PRICKLE2: variants seen among roughly 807,000 people sequenced by gnomAD.
PRICKLE2 encodes prickle-like protein 2.
Under a neutral mutation model 81.4 loss-of-function variants are expected in PRICKLE2, and 21 were observed. The ratio of observed to expected loss-of-function variants is 0.26; its 90% CI spans 0.18 to 0.37. The LOEUF is 0.37. Ranked by LOEUF, PRICKLE2 falls within the 10% of genes least tolerant of loss-of-function variation. The pLI is 1.00. For synonymous variants in PRICKLE2, 456 were observed against 421.5 expected (o/e 1.08, Z -1.00); for missense variants, 940 against 1,109.0 (o/e 0.85, Z 2.16).
At chr3:64,215,127 A>T (rs535858518) in intron 1 of PRICKLE2, among the ~76,000 whole-genome samples, 107 of 152,270 alleles carry the variant, frequency 7.0e-4, no homozygotes, top group Non-Finnish European at 1.2e-3. Flanking sequence ...TTCTGACAAC[A>T]GTGAGAATGA....
chr3:64,125,285 C>G (rs969327820), intron 7 of PRICKLE2, among the ~76,000 whole-genome samples: 1 of 152,132 alleles, frequency 6.6e-6, no homozygotes, highest in South Asian at 2.1e-4. Flanking sequence ...GGTGAAGATG[C>G]TACGAACATT....
At chr3:64,232,785 C>T (rs1404883691) in intron 2 of PRICKLE2, among the ~76,000 whole-genome samples, 2 of 152,180 alleles carry the variant, frequency 1.3e-5, no homozygotes, top group South Asian at 2.1e-4. Flanking sequence ...CCATATCCCC[C>T]ACAATCTGCT....
chr3:64,160,166 A>T, intron 3 of PRICKLE2, 89 bp from the exon 4 acceptor site: 1 of 1,426,578 alleles, frequency 7.0e-7, no homozygotes, highest in Non-Finnish European at 9.8e-7. Context: ...CTCGTTAAAT[A>T]CACTCTCATT....
intron 2 of PRICKLE2, among the ~76,000 whole-genome samples, chr3:64,263,251 C>T (rs1158691115): frequency 3.9e-5 from 6 of 152,156 alleles, no homozygotes; most frequent in Non-Finnish European, 7.3e-5. Flanking sequence ...GTCCAAAGTG[C>T]CTTCTTGGAC....
intron 2 of PRICKLE2, among the ~76,000 whole-genome samples, chr3:64,261,491 G>A (rs1559609717): frequency 6.6e-6 from 1 of 152,120 alleles, no homozygotes; most frequent in Non-Finnish European, 1.5e-5. Context: ...TTGGATCTTG[G>A]AAAGTGCTTT....
At chr3:64,253,242 A>G (rs1216305278) in intron 2 of PRICKLE2, among the ~76,000 whole-genome samples, 1 of 152,234 alleles carries the variant, frequency 6.6e-6, no homozygotes, top group Non-Finnish European at 1.5e-5. Flanking sequence ...TAGTTAATCT[A>G]TTTTATAAGT....
At chr3:64,219,381 C>T (rs1269845129) in intron 1 of PRICKLE2, among the ~76,000 whole-genome samples, 1 of 152,170 alleles carries the variant, frequency 6.6e-6, no homozygotes, top group Admixed American at 6.5e-5. Flanking sequence ...GAGCAACAAG[C>T]TTGGCTTCCC....
At chr3:64,195,090 C>G (rs145255088) in intron 2 of PRICKLE2, among the ~76,000 whole-genome samples, 1 of 152,220 alleles carries the variant, frequency 6.6e-6, no homozygotes, top group East Asian at 1.9e-4. Flanking sequence ...AGATGATCAA[C>G]TAGGGGCATA....
At chr3:64,209,089 A>T (rs1389949731) in intron 1 of PRICKLE2, among the ~76,000 whole-genome samples, 1 of 151,476 alleles carries the variant, frequency 6.6e-6, no homozygotes, top group Admixed American at 6.6e-5. Context: ...AAATACATAC[A>T]TATCTATCCA....
At chr3:64,233,762 A>G (rs1310295932) in intron 2 of PRICKLE2, among the ~76,000 whole-genome samples, 1 of 152,240 alleles carries the variant, frequency 6.6e-6, no homozygotes, top group African/African-American at 2.4e-5. Flanking sequence ...TTGTACAACC[A>G]TCACCACAAT....
intron 2 of PRICKLE2, among the ~76,000 whole-genome samples, chr3:64,249,506 T>C (rs1200524749): frequency 6.6e-6 from 1 of 152,206 alleles, no homozygotes; most frequent in Non-Finnish European, 1.5e-5. Flanking sequence ...GTCATTGTCT[T>C]GTCAAATGGA....
intron 1 of PRICKLE2, among the ~76,000 whole-genome samples, chr3:64,204,394 G>C (rs574442050): frequency 2.4e-4 from 36 of 152,280 alleles, no homozygotes; most frequent in African/African-American, 8.7e-4. Context: ...GCCCAGAGTG[G>C]TTAAGTGGCT....
intron 7 of PRICKLE2, among the ~76,000 whole-genome samples, chr3:64,109,600 G>A (rs2106950329): frequency 6.6e-6 from 1 of 152,272 alleles, no homozygotes; most frequent in Non-Finnish European, 1.5e-5. Flanking sequence ...GGGTGGGGGA[G>A]GAGGGGAGTG....
At chr3:64,255,685 T>C (rs2079515357) in intron 2 of PRICKLE2, among the ~76,000 whole-genome samples, 1 of 152,124 alleles carries the variant, frequency 6.6e-6, no homozygotes, top group Non-Finnish European at 1.5e-5. Context: ...TACCTCAGCA[T>C]CTCCTCTTCC....
chr3:64,176,016 C>G (rs1306948725), intron 2 of PRICKLE2, among the ~76,000 whole-genome samples: 4 of 152,172 alleles, frequency 2.6e-5, no homozygotes, highest in Non-Finnish European at 5.9e-5. Flanking sequence ...GACATCTATG[C>G]TCAAAACTGC....
Position 64,196,524 on chromosome 3 carries a change from G to A in PRICKLE2, c.144+2260C>T, listed in dbSNP as rs140739942. On this transcript the variant is annotated intron_variant, in intron 2 of 7. Coordinates refer to ENST00000638394, the MANE Select transcript of PRICKLE2 (RefSeq NM_198859.4). The stretch of plus-strand genomic sequence containing the variant: ...TAAACAAACTCAATCAAACACTCTC[G>A]TTCTTCTTAAACTAATTATTTAATA... Among the ~76,000 whole-genome samples the A allele has an allele frequency of 1.7e-4, 26 of 152,212 alleles. No individual in the cohort carries two copies. The East Asian group carries it at 4.0e-3, about 24-fold the overall frequency.
At chr3:64,258,728 G>A (rs1386971414) in intron 2 of PRICKLE2, among the ~76,000 whole-genome samples, 4 of 149,590 alleles carry the variant, frequency 2.7e-5, no homozygotes, top group Admixed American at 1.3e-4. Flanking sequence ...GGAGGCTGAC[G>A]CAGGAGAATG....
intron 2 of PRICKLE2, among the ~76,000 whole-genome samples, chr3:64,169,434 G>A (rs768306718): frequency 2.6e-5 from 4 of 152,146 alleles, no homozygotes; most frequent in African/African-American, 9.7e-5. Context: ...TTTATTTACA[G>A]TCTCTGTTGC....
chr3:64,132,212 A>AT (rs2077206960), intron 7 of PRICKLE2, among the ~76,000 whole-genome samples: 1 of 151,806 alleles, frequency 6.6e-6, no homozygotes. Flanking sequence ...TTCTTTGCTC[A>AT]TTTTTTTCTT....
Sources: gnomAD v4.1 joint callset for allele counts (sites outside exome capture counted in the v4.1 genomes callset) on GRCh38, gnomAD v4.1.1 for gene constraint, MANE v1.5 for transcripts, NCBI Gene and HGNC (gene_info 2026-07-23, HGNC 2026-07-21) for gene names.